The following GOLM1 variants were observed in gnomAD, a reference collection of about 807,000 sequenced individuals.
GOLM1 encodes the protein epididymis luminal protein 46.
In GOLM1, 31 loss-of-function variants were observed where a neutral mutation model predicts 50.5. The ratio of observed to expected loss-of-function variants is 0.61; its 90% CI spans 0.46 to 0.83. The LOEUF is 0.83. GOLM1 is among the 40% of genes least tolerant of loss of function. The pLI is 0.00. For missense variants in GOLM1, 491 were observed against 501.3 expected, an observed-to-expected ratio of 0.98 and a Z score of 0.20; for synonymous variants, 178 against 192.8, an observed-to-expected ratio of 0.92 and a Z score of 0.64.
intron 1 of GOLM1, among the ~76,000 whole-genome samples, chr9:86,088,988 C>T (rs896050169): frequency 4.6e-5 from 7 of 152,134 alleles, no homozygotes; most frequent in Non-Finnish European, 7.4e-5. Context: ...ATTTGCTTGT[C>T]TGTAAAGGAT....
At chr9:86,089,303 G>A (rs933544076) in intron 1 of GOLM1, among the ~76,000 whole-genome samples, 1 of 152,160 alleles carries the variant, frequency 6.6e-6, no homozygotes, top group African/African-American at 2.4e-5. Context: ...ATGTTGGCCT[G>A]TCTTGCTAGG....
At chr9:86,073,580 A>G (rs1834519147) in intron 3 of GOLM1, among the ~76,000 whole-genome samples, 1 of 152,108 alleles carries the variant, frequency 6.6e-6, no homozygotes, top group Admixed American at 6.6e-5. Context: ...CCATTGCCCA[A>G]TTGCCCACAC....
intron 3 of GOLM1, among the ~76,000 whole-genome samples, chr9:86,073,232 A>T (rs1474094025): frequency 2.0e-5 from 3 of 152,196 alleles, no homozygotes; most frequent in African/African-American, 7.2e-5. Context: ...GAAAAAAAAA[A>T]AAGTACATGT....
chr9:86,060,636 C>T (rs940376435), intron 3 of GOLM1, among the ~76,000 whole-genome samples: 1 of 151,890 alleles, frequency 6.6e-6, no homozygotes, highest in Non-Finnish European at 1.5e-5. Context: ...AATCCCAGCA[C>T]TTTGGGAGGC....
intron 1 of GOLM1, among the ~76,000 whole-genome samples, chr9:86,091,130 T>C (rs977348408): frequency 2.6e-5 from 4 of 152,088 alleles, no homozygotes; most frequent in Non-Finnish European, 4.4e-5. Flanking sequence ...GGTACCTCAG[T>C]TGGAAATGCA....
At chr9:86,097,915 C>T (rs969829910) in intron 1 of GOLM1, among the ~76,000 whole-genome samples, 3 of 152,088 alleles carry the variant, frequency 2.0e-5, no homozygotes, top group Admixed American at 1.3e-4. Flanking sequence ...AATGTAAATG[C>T]AAAATCTTTT....
intron 4 of GOLM1, among the ~76,000 whole-genome samples, chr9:86,052,115 C>T (rs531979799): frequency 2.6e-4 from 40 of 152,256 alleles, no homozygotes; most frequent in Middle Eastern, 3.4e-3. Flanking sequence ...GACCAATCCC[C>T]AGCTGCCAAG....
intron 1 of GOLM1, among the ~76,000 whole-genome samples, chr9:86,082,843 GTTTCTAGATGCATATATAAGCATCAATA>G (rs2118867736): frequency 6.6e-6 from 1 of 152,272 alleles, no homozygotes; most frequent in East Asian, 1.9e-4. Context: ...TATTCTAGAT[GTTTCTAGATGCATATATAAGCATCAATA>G]TATTTATTTT....
chr9:86,038,076 C>T (rs889752181), intron 6 of GOLM1, among the ~76,000 whole-genome samples: 1 of 151,874 alleles, frequency 6.6e-6, no homozygotes, highest in African/African-American at 2.4e-5. Flanking sequence ...ATTGCTTCAA[C>T]CCGGGAGGCA....
At chr9:86,071,078 TACACAC>T (rs58612344) in intron 3 of GOLM1, among the ~76,000 whole-genome samples, 28 of 148,334 alleles carry the variant, frequency 1.9e-4, no homozygotes, top group African/African-American at 2.8e-4. Flanking sequence ...TATATACATG[TACACAC>T]ACACACACAC....
chr9:86,088,451 T>C (rs1416212037), intron 1 of GOLM1, among the ~76,000 whole-genome samples: 1 of 134,146 alleles, frequency 7.5e-6, no homozygotes, highest in Non-Finnish European at 1.6e-5. Flanking sequence ...TATATATATA[T>C]ATATATTTAG....
intron 3 of GOLM1, among the ~76,000 whole-genome samples, chr9:86,070,963 A>G (rs1177610998): frequency 6.6e-6 from 1 of 152,160 alleles, no homozygotes; most frequent in Non-Finnish European, 1.5e-5. Context: ...ACAACCATCC[A>G]GCTACTTAAC....
chr9:86,052,505 G>A (rs539802567), intron 4 of GOLM1, 32 bp downstream of exon 4: 3 of 1,602,600 alleles, frequency 1.9e-6, no homozygotes, highest in African/African-American at 1.3e-5. Flanking sequence ...TCAAAGGCCA[G>A]TGCCTGGTGT....
chr9:86,041,743 G>C (rs1833358720), intron 5 of GOLM1, among the ~76,000 whole-genome samples: 1 of 152,168 alleles, frequency 6.6e-6, no homozygotes, highest in South Asian at 2.1e-4. Flanking sequence ...ATCAAGACTT[G>C]TGGCTGGCAT....
intron 1 of GOLM1, among the ~76,000 whole-genome samples, chr9:86,095,282 G>A (rs915366076): frequency 2.6e-5 from 4 of 151,966 alleles, no homozygotes; most frequent in Non-Finnish European, 4.4e-5. Context: ...AGGCTGGAGT[G>A]CAGTGGCGCA....
intron 3 of GOLM1, among the ~76,000 whole-genome samples, chr9:86,057,696 C>T (rs536835386): frequency 1.6e-4 from 24 of 152,320 alleles, no homozygotes; most frequent in Non-Finnish European, 3.1e-4. Context: ...TGCTGCGGCC[C>T]TGGGTGAGCG....
Position 86,026,615 on chromosome 9 carries a change from A to G in GOLM1, c.*1202T>C. The G allele has an allele frequency of 1.0e-6, 1 of 983,142 alleles. No homozygotes were observed. The highest frequency in any genetic ancestry group is 1.2e-6 in the Non-Finnish European group (1 of 827,874). The allele number at this position is 983,142 out of a possible 1,614,324, so 60.9% of individuals were successfully genotyped here. ...GTGGATCCTCCTACTTACCCCTTAG[A>G]GAGCCTTACTGGGAAGTCAGTCATT... On this transcript the variant is annotated 3_prime_UTR_variant, in exon 10 of 10. Transcript: ENST00000388712.
rs965631097 is a variant in GOLM1, at chr9:86,027,632, C to G, written c.*185G>C. 12 of 1,384,486 alleles carry G rather than the reference C, an allele frequency of 8.7e-6. No individual in the cohort carries two copies. Among genetic ancestry groups the G allele is most frequent in the African/African-American group, 3.0e-5 (2 of 67,210 alleles). 85.8% of individuals were successfully genotyped at this position (1,384,486 alleles called of 1,614,324 possible). On this transcript the variant is annotated 3_prime_UTR_variant, in exon 10 of 10. Coordinates refer to ENST00000388712, the MANE Select transcript of GOLM1 (RefSeq NM_016548.4). Reference sequence around the variant, plus strand: ...TTATTAGACACTTCCAAAGTACCCCCCAAAAGCTGTTTAAAAGACCATTCC... The same window carrying G: ...TTATTAGACACTTCCAAAGTACCCCGCAAAAGCTGTTTAAAAGACCATTCC...
intron 5 of GOLM1, among the ~76,000 whole-genome samples, chr9:86,042,290 G>A (rs900283967): frequency 2.0e-5 from 3 of 152,202 alleles, no homozygotes; most frequent in Admixed American, 2.0e-4. Flanking sequence ...GGGTGACATG[G>A]TTGTCTGGCA....
Sources: gnomAD v4.1 joint callset for allele counts (sites outside exome capture counted in the v4.1 genomes callset) on GRCh38, gnomAD v4.1.1 for gene constraint, MANE v1.5 for transcripts, NCBI Gene and HGNC (gene_info 2026-07-23, HGNC 2026-07-21) for gene names.